Variants in SCLT1 observed in about 807,000 individuals in gnomAD.
SCLT1 encodes sodium channel and clathrin linker 1.
Under a neutral mutation model 112.8 loss-of-function variants are expected in SCLT1, and 78 were observed. The observed-to-expected ratio is 0.69, with a 90% CI of 0.58 to 0.83. The LOEUF (loss-of-function observed/expected upper bound fraction) is 0.83. SCLT1 is among the 40% of genes least tolerant of loss of function. SCLT1 has a pLI of 0.00. For synonymous variants in SCLT1, 257 were observed against 254.7 expected, an observed-to-expected ratio of 1.01 and a Z score of -0.09; for missense variants, 747 against 770.4, an observed-to-expected ratio of 0.97 and a Z score of 0.36.
chr4:128,984,373 T>C (rs1013756717), intron 9 of SCLT1, among the ~76,000 whole-genome samples: 5 of 152,224 alleles, frequency 3.3e-5, no homozygotes, highest in Non-Finnish European at 5.9e-5. Flanking sequence ...GAGTTCTAAT[T>C]TGGCTTTTCC....
At chr4:129,061,872 CA>C (rs1750009677) in intron 2 of SCLT1, among the ~76,000 whole-genome samples, 1 of 152,162 alleles carries the variant, frequency 6.6e-6, no homozygotes, top group Admixed American at 6.5e-5. Flanking sequence ...CAGTGCATAG[CA>C]CACTAGTTGC....
At chr4:128,895,999 C>T (rs1375084111) in intron 18 of SCLT1, among the ~76,000 whole-genome samples, 4 of 152,232 alleles carry the variant, frequency 2.6e-5, no homozygotes, top group South Asian at 2.1e-4. Flanking sequence ...GAGGGGCACC[C>T]GCCATTGCCA....
chr4:129,089,814 G>A (rs930869100), intron 1 of SCLT1, among the ~76,000 whole-genome samples: 1 of 152,120 alleles, frequency 6.6e-6, no homozygotes, highest in Non-Finnish European at 1.5e-5. Flanking sequence ...GCTGAACAAG[G>A]AGAACACGTG....
intron 4 of SCLT1, chr4:129,039,488 G>C (rs1304058455): frequency 1.2e-5 from 2 of 160,730 alleles, no homozygotes; most frequent in African/African-American, 4.8e-5. Flanking sequence ...GCCCATATAA[G>C]TATGTATATT....
intron 5 of SCLT1, among the ~76,000 whole-genome samples, chr4:129,010,727 G>GTT (rs58304959): frequency 6.6e-6 from 1 of 151,994 alleles, no homozygotes; most frequent in African/African-American, 2.4e-5. Flanking sequence ...TGGCTTGACT[G>GTT]TTTTTTTGTG....
At chr4:128,886,513 C>T (rs1388751660) in intron 20 of SCLT1, among the ~76,000 whole-genome samples, 1 of 152,026 alleles carries the variant, frequency 6.6e-6, no homozygotes, top group South Asian at 2.1e-4. Context: ...GTCTTACAAA[C>T]AAAGTTGATC....
At chr4:129,033,511 A>T (rs903133099) in intron 5 of SCLT1, among the ~76,000 whole-genome samples, 8 of 148,924 alleles carry the variant, frequency 5.4e-5, no homozygotes, top group African/African-American at 1.5e-4. Flanking sequence ...GTAAAAAAAA[A>T]AAAAAAAAAA....
intron 19 of SCLT1, among the ~76,000 whole-genome samples, 190 bp from the exon 20 acceptor site, chr4:128,888,964 T>C (rs1264824070): frequency 6.6e-6 from 1 of 152,228 alleles, no homozygotes; most frequent in Admixed American, 6.5e-5. Flanking sequence ...TAATAAATTG[T>C]TTTCTTTCTC....
intron 5 of SCLT1, among the ~76,000 whole-genome samples, chr4:129,038,516 A>G (rs1464613550): frequency 6.6e-6 from 1 of 152,190 alleles, no homozygotes; most frequent in African/African-American, 2.4e-5. Context: ...ATACCTATAA[A>G]AAAACTGTAA....
intron 9 of SCLT1, among the ~76,000 whole-genome samples, chr4:128,981,431 A>G (rs1010753410): frequency 1.3e-5 from 2 of 152,156 alleles, no homozygotes; most frequent in Admixed American, 6.5e-5. Flanking sequence ...AACTTCCCCA[A>G]TTACTCTTGA....
At chr4:128,972,266 G>GT (rs1298938686) in intron 9 of SCLT1, 2 of 152,010 alleles carry the variant, frequency 1.3e-5, no homozygotes, top group Non-Finnish European at 2.9e-5. Context: ...AGAAAACTCT[G>GT]AAAAAGCATA....
At chr4:128,881,254 G>C (rs1732634198), downstream of SCLT1, among the ~76,000 whole-genome samples, 1 of 151,724 alleles carries the variant, frequency 6.6e-6, no homozygotes, top group Admixed American at 6.6e-5. Context: ...AATTATTTTT[G>C]ATAAAAATTT....
intron 6 of SCLT1, among the ~76,000 whole-genome samples, chr4:129,002,994 T>C (rs895984642): frequency 2.0e-5 from 3 of 152,176 alleles, no homozygotes; most frequent in Non-Finnish European, 2.9e-5. Flanking sequence ...TGTATGTTTA[T>C]TGCAGTACTA....
At chr4:128,943,377 T>A (rs1056429984) in intron 16 of SCLT1, among the ~76,000 whole-genome samples, 189 bp from the exon 17 acceptor site, 1 of 152,172 alleles carries the variant, frequency 6.6e-6, no homozygotes, top group African/African-American at 2.4e-5. Flanking sequence ...AACTTAAATA[T>A]ATTCAAATTT....
rs561688875 is a variant in SCLT1, at chr4:128,977,081, T to C, written c.687-6613A>G. ...GTCTCTCTCTGTAACCAATATGTTA[T>C]AATAAATGAGCAAGAGGGAGGAAAA... On this transcript the variant is annotated intron_variant, in intron 9 of 20. Coordinates refer to ENST00000281142, the MANE Select transcript of SCLT1 (RefSeq NM_144643.4). Among the ~76,000 whole-genome samples, 30 of 152,276 alleles carry C rather than the reference T, an allele frequency of 2.0e-4. 1 individual carries two copies. The South Asian group carries it at 5.8e-3, about 29-fold the overall frequency.
chr4:129,068,302 T>C (rs1253189039), intron 2 of SCLT1, among the ~76,000 whole-genome samples: 1 of 152,206 alleles, frequency 6.6e-6, no homozygotes, highest in African/African-American at 2.4e-5. Context: ...TCCACACTGA[T>C]TTCCACAGTG....
intron 5 of SCLT1, among the ~76,000 whole-genome samples, chr4:129,031,156 A>G (rs1746684903): frequency 6.6e-6 from 1 of 152,196 alleles, no homozygotes; most frequent in African/African-American, 2.4e-5. Flanking sequence ...GGCTGGTTCA[A>G]CGTATGCAAA....
intron 4 of SCLT1, chr4:128,874,615 T>C (rs754850698): frequency 2.0e-5 from 3 of 152,650 alleles, no homozygotes; most frequent in Non-Finnish European, 4.4e-5. Context: ...GACAGTATAA[T>C]GATAGCTTTG....
intron 9 of SCLT1, among the ~76,000 whole-genome samples, chr4:128,987,601 G>A (rs1034609253): frequency 6.6e-6 from 1 of 152,004 alleles, no homozygotes; most frequent in African/African-American, 2.4e-5. Flanking sequence ...TGATCAATCA[G>A]AAGAATCCAT....
Sources: allele counts gnomAD v4.1 joint callset (sites outside exome capture counted in the v4.1 genomes callset), GRCh38; gene constraint gnomAD v4.1.1; transcripts MANE v1.5; gene names NCBI Gene and HGNC (gene_info 2026-07-23, HGNC 2026-07-21).